The following CORIN variants were observed in gnomAD, a reference collection of about 807,000 sequenced individuals.
CORIN encodes the protein corin, serine peptidase, also known as atrial natriuretic peptide-converting enzyme.
A neutral mutation model predicts 125.3 loss-of-function variants in CORIN; 117 were observed. The observed-to-expected ratio is 0.93, with a 90% CI of 0.80 to 1.09. The LOEUF (loss-of-function observed/expected upper bound fraction) is 1.09. Ranked by LOEUF, CORIN falls within the 50% of genes least tolerant of loss-of-function variation. The pLI is 0.00. For missense variants in CORIN, 1,253 were observed against 1,306.7 expected, an observed-to-expected ratio of 0.96 and a Z score of 0.63; for synonymous variants, 450 against 466.4, an observed-to-expected ratio of 0.96 and a Z score of 0.45.
chr4:47,768,484 C>A (rs1442769295), intron 3 of CORIN, among the ~76,000 whole-genome samples: 1 of 152,294 alleles, frequency 6.6e-6, no homozygotes, highest in Middle Eastern at 3.4e-3. Flanking sequence ...ACAAAGCCAG[C>A]ATTGCCCTGA....
At chr4:47,769,451 C>T (rs1231273475) in intron 3 of CORIN, among the ~76,000 whole-genome samples, 2 of 151,994 alleles carry the variant, frequency 1.3e-5, no homozygotes, top group Non-Finnish European at 2.9e-5. Flanking sequence ...ATTCATACTA[C>T]CCAAAGTGAT....
At chr4:47,712,242 A>G (rs1455921216) in intron 5 of CORIN, among the ~76,000 whole-genome samples, 1 of 152,216 alleles carries the variant, frequency 6.6e-6, no homozygotes, top group East Asian at 1.9e-4. Flanking sequence ...ACACATTATC[A>G]TGATATATAT....
intron 10 of CORIN, among the ~76,000 whole-genome samples, chr4:47,671,807 T>C (rs1560498963): frequency 6.6e-6 from 1 of 152,044 alleles, no homozygotes; most frequent in Non-Finnish European, 1.5e-5. Flanking sequence ...GCCAGGATGG[T>C]CTCAATCTCC....
chr4:47,733,017 CT>C (rs1347231579), intron 5 of CORIN, among the ~76,000 whole-genome samples: 1 of 152,170 alleles, frequency 6.6e-6, no homozygotes, highest in Non-Finnish European at 1.5e-5. Context: ...GGCCTATGAA[CT>C]CTTTAAAAAT....
chr4:47,767,388 A>G (rs376668573), intron 3 of CORIN, among the ~76,000 whole-genome samples: 3 of 152,146 alleles, frequency 2.0e-5, no homozygotes, highest in African/African-American at 7.2e-5. Context: ...ATATTCATCT[A>G]TCTCTAAAGA....
At chr4:47,817,846 T>C (rs1194789196) in intron 1 of CORIN, among the ~76,000 whole-genome samples, 1 of 152,174 alleles carries the variant, frequency 6.6e-6, no homozygotes, top group Non-Finnish European at 1.5e-5. Flanking sequence ...CACTCTGGAT[T>C]TGTTAAACAA....
At chr4:47,600,573 A>G (rs1311110062) in intron 20 of CORIN, among the ~76,000 whole-genome samples, 1 of 152,172 alleles carries the variant, frequency 6.6e-6, no homozygotes, top group Non-Finnish European at 1.5e-5. Context: ...CCTTTATTTT[A>G]TTAATGGGTA....
At chr4:47,810,757 T>G (rs1214419862) in intron 1 of CORIN, among the ~76,000 whole-genome samples, 1 of 152,130 alleles carries the variant, frequency 6.6e-6, no homozygotes, top group Non-Finnish European at 1.5e-5. Flanking sequence ...ACATTTAACT[T>G]CAATTAGCAG....
intron 4 of CORIN, among the ~76,000 whole-genome samples, chr4:47,749,701 T>A (rs73814804): frequency 0.15 from 23,484 of 152,150 alleles, 2,013 homozygotes; most frequent in East Asian, 0.3. Context: ...TCTTGACACA[T>A]CACATTGTCA....
At chr4:47,618,086 G>A (rs1362360320) in intron 19 of CORIN, among the ~76,000 whole-genome samples, 2 of 152,144 alleles carry the variant, frequency 1.3e-5, no homozygotes, top group African/African-American at 4.8e-5. Context: ...TGTAATCCCA[G>A]TACTTTGGGA....
chr4:47,644,062 C>CT (rs953071869), intron 14 of CORIN, among the ~76,000 whole-genome samples: 1 of 151,998 alleles, frequency 6.6e-6, no homozygotes, highest in African/African-American at 2.4e-5. Flanking sequence ...AAAACAGCAC[C>CT]TTTTTTTTGA....
At chr4:47,825,692 C>T (rs560512055) in intron 1 of CORIN, among the ~76,000 whole-genome samples, 41 of 150,732 alleles carry the variant, frequency 2.7e-4, no homozygotes, top group South Asian at 6.3e-4. Flanking sequence ...TTTTTCAAAC[C>T]ACTGCTTTTT....
intron 5 of CORIN, among the ~76,000 whole-genome samples, chr4:47,715,878 T>C (rs1234664072): frequency 2.6e-5 from 4 of 152,166 alleles, no homozygotes; most frequent in African/African-American, 4.8e-5. Context: ...GTATGACATA[T>C]TGGAACGGGT....
chr4:47,615,125 G>C (rs1243058898), intron 19 of CORIN, among the ~76,000 whole-genome samples: 6 of 152,174 alleles, frequency 3.9e-5, no homozygotes, highest in Non-Finnish European at 1.5e-5. Context: ...AGGCAGGAAT[G>C]AGCTTGGAGG....
Position 47,688,842 on chromosome 4 carries a change from T to C in CORIN, c.913+4128A>G, listed in dbSNP as rs78524925. On this transcript the variant is annotated intron_variant, in intron 6 of 21. Transcript: ENST00000273857. ...AAATTTGCAAACATTTAGTACTTCT[T>C]CCATAAGCATAGAGTTTTTTTATTT... 4.3e-3 allele frequency among the ~76,000 whole-genome samples: 651 copies of C among 152,316 alleles called. 2 individuals carry two copies. The highest frequency in any genetic ancestry group is 0.017 in the Middle Eastern group (5 of 294).
At chr4:47,658,629 G>C (rs946401222) in intron 12 of CORIN, among the ~76,000 whole-genome samples, 1 of 152,248 alleles carries the variant, frequency 6.6e-6, no homozygotes, top group African/African-American at 2.4e-5. Context: ...AGGGCAGTGG[G>C]GACCTGGGCC....
chr4:47,661,633 T>C (rs1488718658), intron 12 of CORIN, 78 bp downstream of exon 12: 1 of 1,318,894 alleles, frequency 7.6e-7, no homozygotes, highest in Non-Finnish European at 1.0e-6. Flanking sequence ...CAAGAAGCCA[T>C]AAATAGAAGA....
chr4:47,685,494 A>G (rs1426667644), intron 6 of CORIN, among the ~76,000 whole-genome samples: 1 of 152,202 alleles, frequency 6.6e-6, no homozygotes, highest in Non-Finnish European at 1.5e-5. Flanking sequence ...AAGTAGTTAC[A>G]GTAGCTGAGG....
At chr4:47,617,006 A>G (rs1722090371) in intron 19 of CORIN, among the ~76,000 whole-genome samples, 1 of 152,240 alleles carries the variant, frequency 6.6e-6, no homozygotes, top group Admixed American at 6.5e-5. Flanking sequence ...GAAAGCAGTG[A>G]ATGTGGCCAA....
Sources: gnomAD v4.1 joint callset for allele counts (sites outside exome capture counted in the v4.1 genomes callset) on GRCh38, gnomAD v4.1.1 for gene constraint, MANE v1.5 for transcripts, NCBI Gene and HGNC (gene_info 2026-07-23, HGNC 2026-07-21) for gene names.